Variants in TPD52L1 observed in about 807,000 individuals in gnomAD.
TPD52L1 encodes TPD52 like 1, also known as tumor protein D53.
A neutral mutation model predicts 28.7 loss-of-function variants in TPD52L1; 18 were observed. The observed-to-expected ratio is 0.63, with a 90% confidence interval of 0.43 to 0.93. The LOEUF (loss-of-function observed/expected upper bound fraction) is 0.93. Ranked by LOEUF, TPD52L1 falls within the 40% of genes least tolerant of loss-of-function variation. TPD52L1 has a pLI of 0.00. For synonymous variants in TPD52L1, 75 were observed against 88.8 expected (o/e 0.84, Z 0.88); for missense variants, 203 against 254.8 (o/e 0.80, Z 1.39).
intron 3 of TPD52L1, among the ~76,000 whole-genome samples, chr6:125,234,792 G>A (rs924771875): frequency 6.6e-6 from 1 of 151,930 alleles, no homozygotes; most frequent in Non-Finnish European, 1.5e-5. Flanking sequence ...CATAATAAAG[G>A]GAGTAAAATG....
chr6:125,187,092 TG>T (rs968535168), intron 1 of TPD52L1, among the ~76,000 whole-genome samples: 6 of 152,144 alleles, frequency 3.9e-5, no homozygotes, highest in Admixed American at 3.3e-4. Flanking sequence ...CAATACAATA[TG>T]AAAAAAATCT....
chr6:125,229,403 C>A, intron 3 of TPD52L1, 137 bp downstream of exon 3: 1 of 831,720 alleles, frequency 1.2e-6, no homozygotes, highest in Non-Finnish European at 1.8e-6. Context: ...AAAAGCAAAG[C>A]AAAGAAATGT....
chr6:125,158,414 A>G (rs79476698), intron 1 of TPD52L1, among the ~76,000 whole-genome samples: 14 of 143,472 alleles, frequency 9.8e-5, no homozygotes, highest in African/African-American at 3.8e-4. Context: ...TACATTATAC[A>G]TTATACTTTA....
chr6:125,154,535 G>A (rs1350273525), intron 1 of TPD52L1: 2 of 938,886 alleles, frequency 2.1e-6, no homozygotes, highest in African/African-American at 5.7e-5. Context: ...ATCCACACGT[G>A]AGTCCCGGTT....
intron 4 of TPD52L1, chr6:125,252,598 T>C (rs1421326896): frequency 6.6e-6 from 1 of 152,264 alleles, no homozygotes; most frequent in African/African-American, 2.4e-5. Context: ...TTAAAACTTC[T>C]TTTAGCCGGA....
At chr6:125,237,940 G>A (rs908891972) in intron 3 of TPD52L1, among the ~76,000 whole-genome samples, 3 of 152,166 alleles carry the variant, frequency 2.0e-5, no homozygotes, top group African/African-American at 7.2e-5. Context: ...GATTGCAGGC[G>A]TGAGCCACGA....
At chr6:125,226,433 T>G (rs1421384829) in intron 2 of TPD52L1, among the ~76,000 whole-genome samples, 2 of 152,106 alleles carry the variant, frequency 1.3e-5, no homozygotes, top group African/African-American at 4.8e-5. Context: ...TATTAAAAAT[T>G]TAATGGCAGC....
intron 1 of TPD52L1, among the ~76,000 whole-genome samples, chr6:125,181,377 A>C (rs1792185192): frequency 6.6e-6 from 1 of 152,136 alleles, no homozygotes; most frequent in Non-Finnish European, 1.5e-5. Context: ...ATACACAAAG[A>C]ACTAAGACAT....
At position 125,216,227 on chromosome 6, in the gene TPD52L1, A is replaced by G. The variant is rs539200077; in HGVS notation, c.20-3851A>G. On this transcript the variant is annotated intron_variant, in intron 1 of 6. Coordinates refer to ENST00000534000, the MANE Select transcript of TPD52L1 (RefSeq NM_003287.4). ...TAGTCTCATAGGTTGCTGATGTTGC[A>G]TAAAACTGGTACAGCCTCTCTGGGT... Among the ~76,000 whole-genome samples, 8 of 152,258 alleles carry G rather than the reference A, an allele frequency of 5.3e-5. No individual in the cohort carries two copies. The South Asian group carries it at 6.2e-4, about 12-fold the overall frequency.
chr6:125,197,704 A>G (rs1178918434), intron 1 of TPD52L1, among the ~76,000 whole-genome samples: 2 of 152,246 alleles, frequency 1.3e-5, no homozygotes, highest in Admixed American at 6.5e-5. Flanking sequence ...ATAAAATAAC[A>G]GCCCACTAAG....
chr6:125,188,085 G>T (rs1792768215), intron 1 of TPD52L1, among the ~76,000 whole-genome samples: 1 of 152,138 alleles, frequency 6.6e-6, no homozygotes, highest in Non-Finnish European at 1.5e-5. Context: ...TATTGAATGG[G>T]AGTATCCCAT....
chr6:125,220,999 G>T (rs1306677262), intron 2 of TPD52L1, among the ~76,000 whole-genome samples: 1 of 152,128 alleles, frequency 6.6e-6, no homozygotes, highest in Non-Finnish European at 1.5e-5. Flanking sequence ...CAGAAGCAAG[G>T]CTTGGCCTTC....
intron 4 of TPD52L1, among the ~76,000 whole-genome samples, chr6:125,249,293 T>G (rs1010248002): frequency 6.6e-6 from 1 of 151,916 alleles, no homozygotes; most frequent in Non-Finnish European, 1.5e-5. Context: ...TTAAAAACTT[T>G]TCGAGCACAT....
At chr6:125,172,152 CTTTCTTT>C (rs1196599928) in intron 1 of TPD52L1, among the ~76,000 whole-genome samples, 1 of 51,300 alleles carries the variant, frequency 1.9e-5, no homozygotes, top group East Asian at 9.8e-4. Context: ...TTCTTTCTTT[CTTTCTTT>C]TCTTTCTTTC....
chr6:125,204,317 T>C lies in TPD52L1; in HGVS notation c.20-15761T>C, dbSNP rs573746914. ...AGATGCATTAACAAAAATGGAGTGA[T>C]GGTTCTAGTAGAGCTGGTATACTGA... is the stretch of plus-strand genomic sequence containing the variant. On this transcript the variant is annotated intron_variant, in intron 1 of 6. Coordinates refer to ENST00000534000, the MANE Select transcript of TPD52L1 (RefSeq NM_003287.4). Among the ~76,000 whole-genome samples, 4 of 152,288 alleles carry C rather than the reference T, an allele frequency of 2.6e-5. No homozygotes were observed. The East Asian group carries it at 7.7e-4, about 29-fold the overall frequency.
At chr6:125,228,891 T>C (rs1035569480) in intron 2 of TPD52L1, among the ~76,000 whole-genome samples, 4 of 152,232 alleles carry the variant, frequency 2.6e-5, no homozygotes, top group African/African-American at 9.6e-5. Context: ...TCTCACTTTT[T>C]TTTTTAACAA....
intron 1 of TPD52L1, among the ~76,000 whole-genome samples, chr6:125,172,580 G>T (rs1256189527): frequency 4.7e-4 from 27 of 57,342 alleles, no homozygotes; most frequent in South Asian, 1.3e-3. Flanking sequence ...CATGAAATTA[G>T]GTATATATAT....
chr6:125,242,787 G>A (rs992650897), intron 3 of TPD52L1, among the ~76,000 whole-genome samples: 7 of 152,130 alleles, frequency 4.6e-5, no homozygotes, highest in Non-Finnish European at 8.8e-5. Context: ...GGCCATTTAC[G>A]TTCAAAGTTA....
intron 6 of TPD52L1, chr6:125,261,024 A>AAAAGAAAAG (rs1798014767): frequency 3.3e-5 from 1 of 30,572 alleles, no homozygotes; most frequent in African/African-American, 2.3e-4. Context: ...GAAAGAAAAG[A>AAAAGAAAAG]AAAGAAAGAA....
Sources: gnomAD v4.1 joint callset for allele counts (sites outside exome capture counted in the v4.1 genomes callset) on GRCh38, gnomAD v4.1.1 for gene constraint, MANE v1.5 for transcripts, NCBI Gene and HGNC (gene_info 2026-07-23, HGNC 2026-07-21) for gene names.